ZNF385D: variants seen among roughly 807,000 people sequenced by gnomAD.
ZNF385D encodes the protein zinc finger protein 659.
ZNF385D carries 15 observed loss-of-function variants against 35.8 expected under a neutral mutation model. The observed-to-expected ratio is 0.42, with a 90% confidence interval of 0.28 to 0.64. ZNF385D has a LOEUF of 0.64. Among genes scored for constraint, ZNF385D ranks in the 30% least tolerant of loss-of-function variants. The pLI is 0.23. For synonymous variants in ZNF385D, 212 were observed against 186.8 expected, an observed-to-expected ratio of 1.13 and a Z score of -1.10; for missense variants, 474 against 494.6, an observed-to-expected ratio of 0.96 and a Z score of 0.39.
At chr3:21,952,874 C>T (rs574382335) in intron 3 of ZNF385D, among the ~76,000 whole-genome samples, 1 of 151,988 alleles carries the variant, frequency 6.6e-6, no homozygotes, top group African/African-American at 2.4e-5. Context: ...ATTTCTGATG[C>T]CAAAGGTAGA....
At chr3:21,614,283 A>C (rs2064776415) in intron 2 of ZNF385D, among the ~76,000 whole-genome samples, 1 of 152,118 alleles carries the variant, frequency 6.6e-6, no homozygotes, top group African/African-American at 2.4e-5. Flanking sequence ...TGTGTTCAGG[A>C]GTCAAGAGAC....
intron 3 of ZNF385D, among the ~76,000 whole-genome samples, chr3:21,954,907 A>G (rs1316479499): frequency 6.6e-6 from 1 of 152,096 alleles, no homozygotes; most frequent in Non-Finnish European, 1.5e-5. Context: ...GCACAATCTA[A>G]TGTTGAAACT....
intron 3 of ZNF385D, among the ~76,000 whole-genome samples, chr3:22,011,295 G>C (rs567403826): frequency 2.6e-5 from 4 of 152,162 alleles, no homozygotes; most frequent in African/African-American, 9.6e-5. Context: ...TTGAAGAGCA[G>C]TATTCTTATT....
Position 21,762,323 on chromosome 3 carries a change from C to A in ZNF385D, c.326-97295G>T, listed in dbSNP as rs781652624. Among the ~76,000 whole-genome samples, 32 of 152,286 alleles carry A rather than the reference C, an allele frequency of 2.1e-4. No homozygotes were observed. In the Middle Eastern group the frequency reaches 0.01, roughly 49 times the overall value. ...TAATCAAACTTCTACAATTCATCTACCAATACCATTTCTCTATGCCTGGTA... is the reference window on the plus strand; with the variant it reads ...TAATCAAACTTCTACAATTCATCTAACAATACCATTTCTCTATGCCTGGTA... On this transcript the variant is annotated intron_variant, in intron 3 of 5. Transcript: ENST00000494108.
chr3:21,898,514 G>C (rs567714709), intron 3 of ZNF385D, among the ~76,000 whole-genome samples: 1 of 152,018 alleles, frequency 6.6e-6, no homozygotes, highest in East Asian at 1.9e-4. Context: ...TATACTTCTA[G>C]TCTGCTTCAT....
intron 3 of ZNF385D, among the ~76,000 whole-genome samples, chr3:21,559,351 G>A (rs1384047659): frequency 3.3e-5 from 5 of 152,144 alleles, no homozygotes; most frequent in Admixed American, 1.3e-4. Flanking sequence ...CTCTTGTAAG[G>A]CAGGCCGGGT....
intron 3 of ZNF385D, among the ~76,000 whole-genome samples, chr3:22,014,732 C>T (rs1056465294): frequency 2.0e-5 from 3 of 151,634 alleles, no homozygotes; most frequent in South Asian, 2.1e-4. Context: ...AAGTGCAAAC[C>T]GCTAAGAATT....
chr3:21,620,387 C>T (rs1475278337), intron 2 of ZNF385D, among the ~76,000 whole-genome samples: 1 of 152,096 alleles, frequency 6.6e-6, no homozygotes, highest in Non-Finnish European at 1.5e-5. Flanking sequence ...CCTAAATCCC[C>T]TCTTAGTGGT....
intron 2 of ZNF385D, among the ~76,000 whole-genome samples, chr3:22,304,871 G>C (rs957241604): frequency 6.6e-6 from 1 of 151,754 alleles, no homozygotes; most frequent in Admixed American, 6.6e-5. Flanking sequence ...TGCCAAATAG[G>C]GTACTTTGTT....
intron 3 of ZNF385D, among the ~76,000 whole-genome samples, chr3:21,864,792 G>T (rs139609738): frequency 6.6e-6 from 1 of 151,832 alleles, no homozygotes; most frequent in Non-Finnish European, 1.5e-5. Flanking sequence ...TTACTAAGAG[G>T]TTTACTATTC....
chr3:22,129,003 T>C (rs1703614198), intron 3 of ZNF385D, among the ~76,000 whole-genome samples: 1 of 152,150 alleles, frequency 6.6e-6, no homozygotes, highest in Non-Finnish European at 1.5e-5. Context: ...TTGAGTGTTG[T>C]GTTCTAAGTC....
chr3:22,075,402 T>C (rs1700414419), intron 3 of ZNF385D, among the ~76,000 whole-genome samples: 1 of 151,850 alleles, frequency 6.6e-6, no homozygotes, highest in Non-Finnish European at 1.5e-5. Context: ...TTCTCAACAC[T>C]CCATTGAAAA....
At chr3:21,550,157 A>C (rs1444791539) in intron 3 of ZNF385D, among the ~76,000 whole-genome samples, 2 of 152,160 alleles carry the variant, frequency 1.3e-5, no homozygotes, top group Non-Finnish European at 2.9e-5. Context: ...GAAAATTTGG[A>C]AAGTAAAGAA....
intron 3 of ZNF385D, among the ~76,000 whole-genome samples, chr3:21,952,979 TCTCC>T (rs1219914987): frequency 2.0e-5 from 3 of 151,988 alleles, no homozygotes; most frequent in African/African-American, 7.2e-5. Context: ...TTTCTATTCT[TCTCC>T]CTTACTAAAC....
intron 3 of ZNF385D, among the ~76,000 whole-genome samples, chr3:21,529,611 A>G (rs2061874052): frequency 6.6e-6 from 1 of 152,174 alleles, no homozygotes; most frequent in Admixed American, 6.5e-5. Context: ...GCAAACATTC[A>G]AGATGAGAAA....
At chr3:22,249,643 A>G (rs888338268) in intron 2 of ZNF385D, among the ~76,000 whole-genome samples, 3 of 152,208 alleles carry the variant, frequency 2.0e-5, no homozygotes, top group East Asian at 1.9e-4. Flanking sequence ...AGAGATTTAT[A>G]TATTATAGAT....
At chr3:22,199,230 T>C (rs1248696640) in intron 2 of ZNF385D, among the ~76,000 whole-genome samples, 4 of 152,140 alleles carry the variant, frequency 2.6e-5, no homozygotes, top group African/African-American at 7.2e-5. Flanking sequence ...CATCCCTTTG[T>C]TTCACTAAGC....
At chr3:21,661,956 T>C (rs569017275) in intron 2 of ZNF385D, among the ~76,000 whole-genome samples, 1 of 152,336 alleles carries the variant, frequency 6.6e-6, no homozygotes, top group East Asian at 1.9e-4. Context: ...TTTATAAGTA[T>C]ACATTTTAAA....
At chr3:22,286,056 A>T (rs1447177764) in intron 2 of ZNF385D, among the ~76,000 whole-genome samples, 1 of 152,150 alleles carries the variant, frequency 6.6e-6, no homozygotes, top group African/African-American at 2.4e-5. Flanking sequence ...AAAGGTTTAT[A>T]ATAAACTACA....
Sources: allele counts gnomAD v4.1 joint callset (sites outside exome capture counted in the v4.1 genomes callset), GRCh38; gene constraint gnomAD v4.1.1; transcripts MANE v1.5; gene names NCBI Gene and HGNC (gene_info 2026-07-23, HGNC 2026-07-21).